The following TMEM40 variants were observed in gnomAD, a reference collection of about 807,000 sequenced individuals.
The protein encoded by TMEM40 is transmembrane protein 40.
Under a neutral mutation model 40.8 loss-of-function variants are expected in TMEM40, and 34 were observed. That is an observed-to-expected ratio of 0.83 (90% CI 0.63 to 1.11). TMEM40 has a LOEUF of 1.11. Ranked by LOEUF, TMEM40 falls within the 50% of genes least tolerant of loss-of-function variation. TMEM40 has a pLI of 0.00. For missense variants in TMEM40, 296 were observed against 280.2 expected, an observed-to-expected ratio of 1.06 and a Z score of -0.40; for synonymous variants, 106 against 107.0, an observed-to-expected ratio of 0.99 and a Z score of 0.06.
chr3:12,746,754 C>T (rs543094012), intron 3 of TMEM40, among the ~76,000 whole-genome samples: 3 of 152,252 alleles, frequency 2.0e-5, no homozygotes, highest in East Asian at 1.9e-4. Context: ...TCTTAGCGCT[C>T]CATTTGGCTA....
At chr3:12,734,909 G>A in intron 11 of TMEM40, 116 bp from the exon 12 acceptor site, 1 of 1,196,970 alleles carries the variant, frequency 8.4e-7, no homozygotes, top group Non-Finnish European at 1.2e-6. Flanking sequence ...AGTCACCCCA[G>A]AAGCCATGGG....
At chr3:12,745,888 T>C (rs1487646526) in intron 3 of TMEM40, among the ~76,000 whole-genome samples, 1 of 150,814 alleles carries the variant, frequency 6.6e-6, no homozygotes, top group East Asian at 1.9e-4. Context: ...CCTCTTTTCT[T>C]TTTCTTTTGC....
chr3:12,735,364 A>G (rs954388635), intron 11 of TMEM40, among the ~76,000 whole-genome samples, 191 bp downstream of exon 11: 1 of 151,498 alleles, frequency 6.6e-6, no homozygotes, highest in Non-Finnish European at 1.5e-5. Context: ...TATTACACCT[A>G]TTTTCCAGTT....
rs1553634013 is a variant in TMEM40 at position 12,755,233 on chromosome 3, C to CTCTCTCTGTCTTTCTT, written c.-9+3957_-9+3958insAAGAAAGACAGAGAGA. Among the ~76,000 whole-genome samples, 219 of 59,960 alleles carry CTCTCTCTGTCTTTCTT rather than the reference C, an allele frequency of 3.7e-3. 9 individuals carry two copies. The highest frequency in any genetic ancestry group is 0.015 in the African/African-American group (204 of 14,062). 39.3% of individuals were successfully genotyped at this position (59,960 alleles called of 152,430 possible). ...TTTCTTTCTCTCTCTCTCTCTCTCT[C>CTCTCTCTGTCTTTCTT]TCTTTCTTTCTTTCTTTCTTTCTTT... is the stretch of plus-strand genomic sequence containing the variant. On this transcript the variant is annotated intron_variant, in intron 1 of 11. Transcript: ENST00000314124.
intron 1 of TMEM40, among the ~76,000 whole-genome samples, chr3:12,758,645 G>A (rs1044233466): frequency 9.9e-5 from 15 of 152,214 alleles, no homozygotes; most frequent in African/African-American, 3.1e-4. Context: ...GGAGGCAGAG[G>A]ACGGCTGACT....
At chr3:12,754,356 A>C (rs1437858808) in intron 1 of TMEM40, among the ~76,000 whole-genome samples, 2 of 152,224 alleles carry the variant, frequency 1.3e-5, no homozygotes, top group Non-Finnish European at 2.9e-5. Flanking sequence ...ATGGCTGTAC[A>C]GAAAGAGGAT....
chr3:12,741,687 T>C (rs2061382956), intron 5 of TMEM40, among the ~76,000 whole-genome samples: 2 of 152,068 alleles, frequency 1.3e-5, no homozygotes, highest in Admixed American at 1.3e-4. Context: ...TTATCTTATT[T>C]TATACCCAGT....
At chr3:12,735,519 G>A in intron 11 of TMEM40, 36 bp downstream of exon 11, 4 of 1,599,782 alleles carry the variant, frequency 2.5e-6, no homozygotes, top group Non-Finnish European at 3.4e-6. Context: ...CTGCTAGGGA[G>A]AAAATGAGTG....
intron 5 of TMEM40, among the ~76,000 whole-genome samples, chr3:12,741,508 T>C (rs1400367159): frequency 2.0e-5 from 3 of 152,078 alleles, no homozygotes; most frequent in Non-Finnish European, 4.4e-5. Context: ...GCAGAGAGCA[T>C]ACCAAGGACA....
intron 5 of TMEM40, 48 bp from the exon 6 acceptor site, chr3:12,738,636 G>C: frequency 6.3e-7 from 1 of 1,595,362 alleles, no homozygotes; most frequent in Non-Finnish European, 8.6e-7. Flanking sequence ...TCCTCTGGGG[G>C]GGGAGAAGTC....
chr3:12,767,718 G>A (rs1457110865), intron 1 of TMEM40, among the ~76,000 whole-genome samples: 1 of 152,138 alleles, frequency 6.6e-6, no homozygotes, highest in African/African-American at 2.4e-5. Flanking sequence ...CGGGAAAACA[G>A]GATGACTAGG....
At chr3:12,751,840 C>A (rs566267844) in intron 1 of TMEM40, among the ~76,000 whole-genome samples, 4 of 152,128 alleles carry the variant, frequency 2.6e-5, no homozygotes, top group Non-Finnish European at 5.9e-5. Flanking sequence ...AAGAGAGCTG[C>A]TGGCTGATGT....
upstream of TMEM40, among the ~76,000 whole-genome samples, chr3:12,762,737 T>A (rs2061577891): frequency 6.6e-6 from 1 of 152,158 alleles, no homozygotes; most frequent in Non-Finnish European, 1.5e-5. Flanking sequence ...TGCTACAGCA[T>A]CCCCTGGAAA....
At chr3:12,749,160 G>A (rs1376761264) in intron 2 of TMEM40, among the ~76,000 whole-genome samples, 1 of 151,738 alleles carries the variant, frequency 6.6e-6, no homozygotes, top group Non-Finnish European at 1.5e-5. Flanking sequence ...GAGTAGCTGG[G>A]ACTACAGGCG....
At position 12,734,646 on chromosome 3, in the gene TMEM40, G is replaced by A; in HGVS notation, c.*128C>T. The A allele has an allele frequency of 9.1e-7, 1 of 1,098,630 alleles. No individual in the cohort carries two copies. Among genetic ancestry groups the A allele is most frequent in the East Asian group, 2.6e-5 (1 of 38,322 alleles). The allele number at this position is 1,098,630 out of a possible 1,614,324, so 68.1% of individuals were successfully genotyped here. On this transcript the variant is annotated 3_prime_UTR_variant, in exon 12 of 12. Transcript: ENST00000314124. The stretch of plus-strand genomic sequence containing the variant: ...ACATTCAGACCACATGGAAGGAAAA[G>A]TGTTCTGTTTATTGGTCTGGCTTGG...
At chr3:12,757,005 G>T (rs1042177723) in intron 1 of TMEM40, among the ~76,000 whole-genome samples, 2 of 152,128 alleles carry the variant, frequency 1.3e-5, no homozygotes. Context: ...CTGACTCTGA[G>T]ACCTGGAGCG....
chr3:12,736,785 C>A lies in TMEM40; in HGVS notation c.523G>T (p.Val175Leu). ...LLCFAIGALL[V>L]CYHYYADWFM... ...TCACCTGCGTAATAGTGATAACACA[C>A]CAGCAAGGCCCCGATGGCAAAGCAC... Residue 175 changes from valine (V) to leucine (L), a missense_variant, in exon 9 of 12, where the codon GTG becomes TTG. Transcript: ENST00000314124. 6.2e-7 allele frequency: 1 copy of A among 1,614,136 alleles called. No homozygotes were observed. Among genetic ancestry groups the A allele is most frequent in the Non-Finnish European group, 8.5e-7 (1 of 1,180,020 alleles).
intron 8 of TMEM40, 44 bp downstream of exon 8, chr3:12,737,663 T>A (rs773570530): frequency 5.6e-6 from 9 of 1,598,360 alleles, no homozygotes; most frequent in Non-Finnish European, 3.4e-6. Flanking sequence ...CCTAGAAATC[T>A]AGCCAGACAG....
chr3:12,741,863 G>A (rs1412611701), intron 5 of TMEM40, among the ~76,000 whole-genome samples: 1 of 152,164 alleles, frequency 6.6e-6, no homozygotes, highest in Admixed American at 6.5e-5. Context: ...GGGAGGCCAA[G>A]GCCGGAGGAT....
Sources: gnomAD v4.1 joint callset for allele counts (sites outside exome capture counted in the v4.1 genomes callset) on GRCh38, gnomAD v4.1.1 for gene constraint, MANE v1.5 for transcripts, NCBI Gene and HGNC (gene_info 2026-07-23, HGNC 2026-07-21) for gene names.